Variants in SLC5A1 observed in about 807,000 individuals in gnomAD.
The protein encoded by SLC5A1 is sodium/glucose cotransporter 1.
SLC5A1 carries 42 observed loss-of-function variants against 73.5 expected under a neutral mutation model. That is an observed-to-expected ratio of 0.57 (90% CI 0.45 to 0.74). SLC5A1 has a LOEUF of 0.74. Among genes scored for constraint, SLC5A1 ranks in the 30% least tolerant of loss-of-function variants. SLC5A1 has a pLI of 0.00. For synonymous variants in SLC5A1, 300 were observed against 317.4 expected (o/e 0.95, Z 0.58); for missense variants, 634 against 855.4 (o/e 0.74, Z 3.23).
intron 2 of SLC5A1, among the ~76,000 whole-genome samples, chr22:32,055,429 GGAAA>G (rs2093950346): frequency 6.6e-6 from 1 of 152,250 alleles, no homozygotes; most frequent in South Asian, 2.1e-4. Flanking sequence ...CTTCCTCTGT[GGAAA>G]GAGAGAGCTT....
intron 2 of SLC5A1, among the ~76,000 whole-genome samples, chr22:32,057,875 A>G (rs530787752): frequency 3.0e-4 from 45 of 152,294 alleles, no homozygotes; most frequent in Middle Eastern, 3.4e-3. Flanking sequence ...CAAAAAACAC[A>G]TAACTTACAT....
At chr22:32,091,043 T>C (rs1404810786) in intron 10 of SLC5A1, among the ~76,000 whole-genome samples, 1 of 152,144 alleles carries the variant, frequency 6.6e-6, no homozygotes, top group Non-Finnish European at 1.5e-5. Flanking sequence ...TTTGGAGAAG[T>C]GTCTATTCAG....
At chr22:32,073,747 C>T (rs1487546148) in intron 5 of SLC5A1, among the ~76,000 whole-genome samples, 5 of 152,010 alleles carry the variant, frequency 3.3e-5, no homozygotes, top group Admixed American at 1.3e-4. Flanking sequence ...TTAGTAGAGA[C>T]GGGGTTTTAC....
chr22:32,066,317 T>C (rs1303907035), intron 2 of SLC5A1, among the ~76,000 whole-genome samples: 1 of 152,230 alleles, frequency 6.6e-6, no homozygotes, highest in African/African-American at 2.4e-5. Flanking sequence ...GTATCAATAC[T>C]GTATGATCTA....
At chr22:32,104,056 C>T (rs2094040851) in intron 13 of SLC5A1, among the ~76,000 whole-genome samples, 1 of 152,206 alleles carries the variant, frequency 6.6e-6, no homozygotes, top group African/African-American at 2.4e-5. Flanking sequence ...CATGCACAGA[C>T]TATGGAATCC....
intron 2 of SLC5A1, among the ~76,000 whole-genome samples, chr22:32,050,598 G>A (rs1028086059): frequency 3.9e-5 from 6 of 152,156 alleles, no homozygotes; most frequent in African/African-American, 1.2e-4. Context: ...GGGTTTAGGG[G>A]GCTTTGAAAG....
At chr22:32,070,827 T>G (rs1206350845) in intron 5 of SLC5A1, among the ~76,000 whole-genome samples, 1 of 152,150 alleles carries the variant, frequency 6.6e-6, no homozygotes, top group Non-Finnish European at 1.5e-5. Flanking sequence ...TAGTGTGCAT[T>G]TTTTTTGTCC....
intron 1 of SLC5A1, among the ~76,000 whole-genome samples, chr22:32,048,150 TAA>T (rs35309167): frequency 1.6e-3 from 152 of 96,380 alleles, no homozygotes; most frequent in African/African-American, 3.2e-3. Flanking sequence ...AGACTCCATG[TAA>T]AAAAAAAAAA....
At chr22:32,073,801 C>T (rs538056559) in intron 5 of SLC5A1, among the ~76,000 whole-genome samples, 41 of 152,218 alleles carry the variant, frequency 2.7e-4, no homozygotes, top group Admixed American at 4.6e-4. Context: ...TCAGATGATC[C>T]GCCCGCTTCG....
At chr22:32,106,903 G>C (rs540857148) in intron 14 of SLC5A1, among the ~76,000 whole-genome samples, 37 of 152,310 alleles carry the variant, frequency 2.4e-4, no homozygotes, top group Non-Finnish European at 4.6e-4. Flanking sequence ...GCTCAGAACA[G>C]ATTCTCAATC....
At chr22:32,053,221 C>T (rs1359573065) in intron 2 of SLC5A1, among the ~76,000 whole-genome samples, 1 of 152,142 alleles carries the variant, frequency 6.6e-6, no homozygotes, top group Non-Finnish European at 1.5e-5. Flanking sequence ...TTTGGGTTAT[C>T]ACAGCAGTGT....
intron 11 of SLC5A1, among the ~76,000 whole-genome samples, chr22:32,094,487 G>A (rs2094023159): frequency 6.6e-6 from 1 of 152,080 alleles, no homozygotes; most frequent in Non-Finnish European, 1.5e-5. Context: ...TTTTTGGTTG[G>A]TAATTTTTAA....
At chr22:32,103,119 C>T (rs2094039377) in intron 13 of SLC5A1, among the ~76,000 whole-genome samples, 1 of 152,150 alleles carries the variant, frequency 6.6e-6, no homozygotes, top group Non-Finnish European at 1.5e-5. Context: ...TATGGTGGCT[C>T]TATTTTTAGT....
intron 10 of SLC5A1, among the ~76,000 whole-genome samples, chr22:32,089,594 T>C (rs1480971662): frequency 1.3e-5 from 2 of 152,184 alleles, no homozygotes; most frequent in East Asian, 3.9e-4. Context: ...GCAAAATGGA[T>C]AAGGAGTAAG....
chr22:32,090,394 C>A (rs1386847008), intron 10 of SLC5A1, among the ~76,000 whole-genome samples: 1 of 152,134 alleles, frequency 6.6e-6, no homozygotes, highest in Non-Finnish European at 1.5e-5. Context: ...TAAATAGAAT[C>A]ATATAATACG....
At position 32,104,723 on chromosome 22, in the gene SLC5A1, C is replaced by A. The variant is rs11913032; in HGVS notation, c.1666-63C>A. 7.2e-3 allele frequency: 9,661 copies of A among 1,340,256 alleles called. 362 individuals carry two copies. The African/African-American group carries it at 0.1, about 14-fold the overall frequency. 83.0% of individuals were successfully genotyped at this position (1,340,256 alleles called of 1,614,324 possible). ...CCTTGATGCATATCTCTTTGCCCCC[C>A]CAACTTCTTGTCCCAAGATGCTATT... On this transcript the variant is annotated intron_variant, in intron 13 of 14. Coordinates refer to ENST00000266088, the MANE Select transcript of SLC5A1 (RefSeq NM_000343.4).
At chr22:32,108,647 T>C (rs1490695220) in intron 14 of SLC5A1, among the ~76,000 whole-genome samples, 2 of 152,132 alleles carry the variant, frequency 1.3e-5, no homozygotes, top group Non-Finnish European at 2.9e-5. Flanking sequence ...GTAGAGGCTC[T>C]ACCACAATAA....
chr22:32,097,552 G>C (rs2094028247), intron 11 of SLC5A1, among the ~76,000 whole-genome samples: 1 of 152,220 alleles, frequency 6.6e-6, no homozygotes, highest in African/African-American at 2.4e-5. Context: ...AGGAGAGGTA[G>C]AAATACCTGG....
intron 2 of SLC5A1, among the ~76,000 whole-genome samples, chr22:32,055,831 G>C (rs528696442): frequency 2.6e-5 from 4 of 152,280 alleles, no homozygotes; most frequent in East Asian, 1.9e-4. Context: ...GCCCAAAGGT[G>C]GTGCTGTAAA....
Sources: allele counts gnomAD v4.1 joint callset (sites outside exome capture counted in the v4.1 genomes callset), GRCh38; gene constraint gnomAD v4.1.1; transcripts MANE v1.5; gene names NCBI Gene and HGNC (gene_info 2026-07-23, HGNC 2026-07-21).